Variants in DLGAP1 observed in about 807,000 individuals in gnomAD.
DLGAP1 encodes disks large-associated protein 1.
A neutral mutation model predicts 90.8 loss-of-function variants in DLGAP1; 11 were observed. The observed-to-expected ratio is 0.12, with a 90% CI of 0.08 to 0.20. The LOEUF is 0.20. DLGAP1 is among the 10% of genes least tolerant of loss of function. The pLI is 1.00. For missense variants in DLGAP1, 1,050 were observed against 1,333.8 expected (o/e 0.79, Z 3.31); for synonymous variants, 558 against 540.7 (o/e 1.03, Z -0.44).
intron 1 of DLGAP1, among the ~76,000 whole-genome samples, chr18:4,195,111 T>A (rs1215783871): frequency 6.6e-6 from 1 of 152,198 alleles, no homozygotes; most frequent in Non-Finnish European, 1.5e-5. Flanking sequence ...GAAATTGCCA[T>A]CACTAATGAT....
At position 3,879,810 on chromosome 18, in the gene DLGAP1, G is replaced by T; in HGVS notation, c.259C>A (p.Leu87Met). ...TTGGTGGCCAGGGTGCGGGGCACCA[G>T]GGCACACTCGTCCTTCAGCTCTTGC... Reference protein sequence around the residue: ...SQQELKDECALVPRTLATKAN... With the variant: ...SQQELKDECAMVPRTLATKAN... Residue 87 changes from leucine (L) to methionine (M), a missense_variant, in exon 4 of 13, where the codon CTG (leucine) becomes ATG (methionine). Leu to Met is a conservative substitution (Grantham distance 15). Coordinates refer to ENST00000315677, the MANE Select transcript of DLGAP1 (RefSeq NM_004746.4). The surrounding 1 kb of genome is among the most constrained non-coding windows in gnomAD (Gnocchi z 6.6). The T allele has an allele frequency of 6.2e-7, 1 of 1,607,812 alleles. No individual in the cohort carries two copies.
intron 1 of DLGAP1, among the ~76,000 whole-genome samples, chr18:4,247,716 G>A (rs2078683839): frequency 6.6e-6 from 1 of 152,088 alleles, no homozygotes; most frequent in African/African-American, 2.4e-5. Context: ...GATGGAGGTT[G>A]CAGTGAGCCC....
intron 7 of DLGAP1, among the ~76,000 whole-genome samples, chr18:3,673,908 T>A (rs1184370236): frequency 6.8e-6 from 1 of 146,064 alleles, no homozygotes; most frequent in African/African-American, 2.6e-5. Flanking sequence ...AGTGGTGCGA[T>A]CTCAGCTCAC....
At chr18:4,332,494 G>A (rs1041353564) in intron 1 of DLGAP1, among the ~76,000 whole-genome samples, 2 of 151,738 alleles carry the variant, frequency 1.3e-5, no homozygotes, top group Non-Finnish European at 2.9e-5. Flanking sequence ...ACATGTTAAT[G>A]ATAGTAAAGA....
intron 8 of DLGAP1, among the ~76,000 whole-genome samples, chr18:3,577,326 T>C (rs2055217330): frequency 6.6e-6 from 1 of 152,252 alleles, no homozygotes; most frequent in South Asian, 2.1e-4. Context: ...GTTCCTTTTA[T>C]TGCTCTCTCA....
chr18:4,109,630 C>G (rs192918398), intron 2 of DLGAP1, among the ~76,000 whole-genome samples: 1 of 152,218 alleles, frequency 6.6e-6, no homozygotes, highest in East Asian at 1.9e-4. Flanking sequence ...GGGGGCTTTC[C>G]TGAGCCCCTG....
At chr18:3,643,056 A>T (rs1022932074) in intron 7 of DLGAP1, among the ~76,000 whole-genome samples, 1 of 152,228 alleles carries the variant, frequency 6.6e-6, no homozygotes, top group Non-Finnish European at 1.5e-5. Flanking sequence ...TCCATAGAAG[A>T]TTGTGTGAGT....
chr18:3,511,449 G>T (rs1199665802), intron 10 of DLGAP1, among the ~76,000 whole-genome samples: 1 of 151,230 alleles, frequency 6.6e-6, no homozygotes, highest in Non-Finnish European at 1.5e-5. Context: ...GTAAAAAGTG[G>T]AAATAAAAAG....
chr18:3,951,804 G>T lies in DLGAP1; in HGVS notation c.-73+53312C>A, dbSNP rs568521562. Reference sequence around the variant, plus strand: ...CCCTTCACACATTTTTTTCTCTCTTGTTGCTTTGTGAAGAGAGTACCTGCT... The same window carrying T: ...CCCTTCACACATTTTTTTCTCTCTTTTTGCTTTGTGAAGAGAGTACCTGCT... On this transcript the variant is annotated intron_variant, in intron 3 of 12. Transcript: ENST00000315677. Among the ~76,000 whole-genome samples, 8 of 152,136 alleles carry T rather than the reference G, an allele frequency of 5.3e-5. No individual in the cohort carries two copies. The South Asian group carries it at 1.7e-3, about 32-fold the overall frequency.
At chr18:4,308,012 G>C (rs936256300) in intron 1 of DLGAP1, among the ~76,000 whole-genome samples, 1 of 152,158 alleles carries the variant, frequency 6.6e-6, no homozygotes, top group African/African-American at 2.4e-5. Flanking sequence ...ACCGTGCCCG[G>C]CCGAGGGTTT....
intron 1 of DLGAP1, among the ~76,000 whole-genome samples, chr18:4,258,536 A>C (rs2078942978): frequency 6.6e-6 from 1 of 152,182 alleles, no homozygotes; most frequent in Non-Finnish European, 1.5e-5. Flanking sequence ...ATACAAAAAA[A>C]AAGCATGATA....
Position 3,651,719 on chromosome 18 carries a change from T to C in DLGAP1, c.1592-69471A>G, listed in dbSNP as rs192754039. ...CGAGTGCAGTGGCTCACGCCTGTAATCCCAGCACTTTGGGAGGCCGAGGTG... is the reference window on the plus strand; with the variant it reads ...CGAGTGCAGTGGCTCACGCCTGTAACCCCAGCACTTTGGGAGGCCGAGGTG... On this transcript the variant is annotated intron_variant, in intron 7 of 12. Transcript: ENST00000315677. 7.9e-5 allele frequency among the ~76,000 whole-genome samples: 12 copies of C among 152,034 alleles called. No individual in the cohort carries two copies. In the East Asian group the frequency reaches 2.3e-3, roughly 29 times the overall value.
chr18:4,303,529 T>C (rs956934983), intron 1 of DLGAP1, among the ~76,000 whole-genome samples: 1 of 152,184 alleles, frequency 6.6e-6, no homozygotes, highest in Non-Finnish European at 1.5e-5. Context: ...AGCAGTGCCA[T>C]GTGAGAAGCT....
rs533929360 is a variant in DLGAP1, at chr18:4,084,712, A to C, written c.-159+66468T>G. ...TTTACCAAACTTAGCATAAAAATAC[A>C]TGGGGTTACTTATTTCTTTGGGCTT... On this transcript the variant is annotated intron_variant, in intron 2 of 12. Coordinates refer to ENST00000315677, the MANE Select transcript of DLGAP1 (RefSeq NM_004746.4). This position sits in a 1 kb window ranked among gnomAD's most constrained non-coding sequence, Gnocchi z 4.0. 6.6e-6 allele frequency among the ~76,000 whole-genome samples: 1 copy of C among 152,182 alleles called. No homozygotes were observed. Among genetic ancestry groups the C allele is most frequent in the African/African-American group, 2.4e-5 (1 of 41,448 alleles).
chr18:4,104,834 G>A (rs759467353), intron 2 of DLGAP1, among the ~76,000 whole-genome samples: 2 of 152,116 alleles, frequency 1.3e-5, no homozygotes, highest in Non-Finnish European at 2.9e-5. Context: ...TACAGCATAA[G>A]GCACAAGTCT....
intron 7 of DLGAP1, among the ~76,000 whole-genome samples, chr18:3,620,444 G>A (rs948082822): frequency 6.6e-6 from 1 of 152,114 alleles, no homozygotes; most frequent in Non-Finnish European, 1.5e-5. Flanking sequence ...GATCTGTGTT[G>A]TGTAAAGCCA....
At chr18:4,252,298 G>A (rs1054367425) in intron 1 of DLGAP1, among the ~76,000 whole-genome samples, 6 of 152,232 alleles carry the variant, frequency 3.9e-5, no homozygotes, top group African/African-American at 1.4e-4. Flanking sequence ...GGTTGTGAGA[G>A]TGTGAATGAT....
intron 2 of DLGAP1, among the ~76,000 whole-genome samples, chr18:4,135,226 G>T (rs1250635783): frequency 6.6e-6 from 1 of 152,052 alleles, no homozygotes; most frequent in Admixed American, 6.6e-5. Context: ...CAACTGGGTG[G>T]GTGGGTAGAG....
intron 3 of DLGAP1, among the ~76,000 whole-genome samples, chr18:3,883,148 G>C (rs1423761664): frequency 1.3e-5 from 2 of 152,224 alleles, no homozygotes; most frequent in Admixed American, 1.3e-4. Context: ...GGAGGCTGAG[G>C]CAGGAGAATT....
Sources: allele counts gnomAD v4.1 joint callset (sites outside exome capture counted in the v4.1 genomes callset), GRCh38; gene constraint gnomAD v4.1.1; non-coding constraint Gnocchi (gnomAD v3.1); transcripts MANE v1.5; gene names NCBI Gene and HGNC (gene_info 2026-07-23, HGNC 2026-07-21).